NUDCD1: variants seen among roughly 807,000 people sequenced by gnomAD.
The protein encoded by NUDCD1 is nudC domain-containing protein 1.
NUDCD1 carries 60 observed loss-of-function variants against 67.8 expected under a neutral mutation model. The ratio of observed to expected loss-of-function variants is 0.88; its 90% CI spans 0.72 to 1.10. The LOEUF is 1.10. Ranked by LOEUF, NUDCD1 falls within the 50% of genes least tolerant of loss-of-function variation. NUDCD1 has a pLI of 0.00. For missense variants in NUDCD1, 643 were observed against 695.0 expected, an observed-to-expected ratio of 0.93 and a Z score of 0.84; for synonymous variants, 244 against 230.8, an observed-to-expected ratio of 1.06 and a Z score of -0.52.
At chr8:109,275,746 G>A (rs1234769768) in intron 6 of NUDCD1, among the ~76,000 whole-genome samples, 2 of 152,040 alleles carry the variant, frequency 1.3e-5, no homozygotes, top group African/African-American at 4.8e-5. Context: ...CCTGAAGAGA[G>A]GATTGCCTGG....
intron 8 of NUDCD1, among the ~76,000 whole-genome samples, chr8:109,247,931 A>T (rs932993486): frequency 6.2e-5 from 8 of 129,110 alleles, no homozygotes; most frequent in Non-Finnish European, 1.4e-4. Flanking sequence ...GAACCTGTGA[A>T]TAAGTTACCT....
At chr8:109,304,536 C>T (rs1815060406) in intron 2 of NUDCD1, among the ~76,000 whole-genome samples, 1 of 152,196 alleles carries the variant, frequency 6.6e-6, no homozygotes, top group Non-Finnish European at 1.5e-5. Context: ...TAACTCGGGC[C>T]CTCACTCTTG....
intron 1 of NUDCD1, among the ~76,000 whole-genome samples, chr8:109,333,490 G>A (rs1208659880): frequency 1.3e-5 from 2 of 152,206 alleles, no homozygotes; most frequent in Non-Finnish European, 2.9e-5. Context: ...GGAACTGGGG[G>A]TCCTCCAAGG....
intron 4 of NUDCD1, among the ~76,000 whole-genome samples, chr8:109,291,584 ACTGTT>A (rs151218167): frequency 0.06 from 9,061 of 151,510 alleles, 850 homozygotes; most frequent in African/African-American, 0.2. Flanking sequence ...TTACGAAAAT[ACTGTT>A]CTGTTAACTA....
chr8:109,274,354 G>A (rs1814228327), intron 7 of NUDCD1, among the ~76,000 whole-genome samples: 1 of 152,122 alleles, frequency 6.6e-6, no homozygotes, highest in South Asian at 2.1e-4. Context: ...AAACCATTGA[G>A]TTTAACAAGT....
At chr8:109,252,397 C>G (rs1226754505) in intron 8 of NUDCD1, among the ~76,000 whole-genome samples, 2 of 152,126 alleles carry the variant, frequency 1.3e-5, no homozygotes, top group African/African-American at 2.4e-5. Flanking sequence ...TCTTCTGAAC[C>G]CTTGGCAAGC....
intron 1 of NUDCD1, among the ~76,000 whole-genome samples, chr8:109,323,203 T>C (rs1031036886): frequency 6.6e-6 from 1 of 152,158 alleles, no homozygotes; most frequent in Admixed American, 6.5e-5. Flanking sequence ...AGGAAACATA[T>C]AAATGGATTA....
chr8:109,310,534 A>G (rs184800405), intron 2 of NUDCD1, among the ~76,000 whole-genome samples: 2,519 of 152,370 alleles, frequency 0.017, 35 homozygotes, highest in Non-Finnish European at 0.026. Flanking sequence ...AACATTGGAA[A>G]AACCCTTCTA....
chr8:109,289,779 C>A lies in NUDCD1; in HGVS notation c.795G>T (p.Met265Ile). 1 of 1,534,644 alleles carries A rather than the reference C, an allele frequency of 6.5e-7. No individual in the cohort carries two copies. Among genetic ancestry groups the A allele is most frequent in the Non-Finnish European group, 8.9e-7 (1 of 1,118,288 alleles). ...VQAGQDLEEN[M>I]DEDISEKIKE... The stretch of plus-strand genomic sequence containing the variant: ...TGATTTTCTCTGATATGTCTTCATC[C>A]ATATTTTCTTCAAGATCTTGACCAG... Residue 265 changes from methionine (M) to isoleucine (I), a missense_variant, in exon 5 of 10, where the codon ATG becomes ATT. Met to Ile is a conservative substitution (Grantham distance 10). Coordinates refer to ENST00000239690, the MANE Select transcript of NUDCD1 (RefSeq NM_032869.4).
At chr8:109,264,975 A>T (rs1010104350) in intron 8 of NUDCD1, among the ~76,000 whole-genome samples, 2 of 151,908 alleles carry the variant, frequency 1.3e-5, no homozygotes, top group African/African-American at 4.8e-5. Context: ...ATACGTTTTG[A>T]TAAATATAAT....
rs564936045 is a variant in NUDCD1, at chr8:109,256,799, C to CA, written c.1300-11319dup. Among the ~76,000 whole-genome samples the CA allele has an allele frequency of 6.5e-3, 904 of 139,960 alleles. 7 individuals are homozygous for CA. The highest frequency in any genetic ancestry group is 0.018 in the African/African-American group (674 of 38,318). 91.8% of individuals were successfully genotyped at this position (139,960 alleles called of 152,430 possible). On this transcript the variant is annotated intron_variant, in intron 8 of 9. Transcript: ENST00000239690. Reference sequence around the variant, plus strand: ...AACATCTTTTATGTAGTATTCCTGGCAAAAAAAAAATGCAACATCTGAACC... The same window carrying CA: ...AACATCTTTTATGTAGTATTCCTGGCAAAAAAAAAAATGCAACATCTGAACC...
chr8:109,298,249 A>G (rs1023586547), intron 2 of NUDCD1, among the ~76,000 whole-genome samples: 2 of 152,196 alleles, frequency 1.3e-5, no homozygotes, highest in African/African-American at 4.8e-5. Context: ...AGTAGTAAAC[A>G]TCAAGCTTAC....
rs1420586557 is a variant in NUDCD1, at chr8:109,288,847, T to C, written c.823+904A>G. 2.6e-5 allele frequency among the ~76,000 whole-genome samples: 4 copies of C among 152,174 alleles called. No individual in the cohort carries two copies. The East Asian group carries it at 7.7e-4, about 29-fold the overall frequency. On this transcript the variant is annotated intron_variant, in intron 5 of 9. Coordinates refer to ENST00000239690, the MANE Select transcript of NUDCD1 (RefSeq NM_032869.4). ...ATAAAAATCTCTGTTAAATAAAATA[T>C]ACTATTCTCTGGCTATGAACATCAG...
intron 4 of NUDCD1, among the ~76,000 whole-genome samples, chr8:109,291,696 T>G (rs2130024207): frequency 6.6e-6 from 1 of 152,244 alleles, no homozygotes; most frequent in Non-Finnish European, 1.5e-5. Flanking sequence ...TAAAGAGAAT[T>G]AATGATTCTA....
At chr8:109,265,244 TTGAA>T (rs1402868471) in intron 8 of NUDCD1, among the ~76,000 whole-genome samples, 2 of 152,116 alleles carry the variant, frequency 1.3e-5, no homozygotes, top group Non-Finnish European at 2.9e-5. Flanking sequence ...ATTCATTACT[TTGAA>T]TGACTTTTTG....
chr8:109,264,571 T>G (rs1813949506), intron 8 of NUDCD1, among the ~76,000 whole-genome samples: 1 of 152,154 alleles, frequency 6.6e-6, no homozygotes, highest in South Asian at 2.1e-4. Flanking sequence ...CAACTGATTT[T>G]AAAGTAACAG....
chr8:109,243,173 G>C lies in NUDCD1; in HGVS notation c.1588C>G (p.Leu530Val). ...YRQPAPMSTVLYNRKEGRQVG... is the reference protein window; with the variant it reads ...YRQPAPMSTVVYNRKEGRQVG... ...TGCCTGCCTTCCTTTCTGTTGTAAA[G>C]TACAGTGGACATGGGAGCAGGCTGA... The change falls in exon 10 of 10, where the codon CTT (leucine) becomes GTT (valine). Residue 530 changes from leucine to valine, a missense_variant. By Grantham distance (32) the Leu-to-Val change is conservative. Transcript: ENST00000239690. 2 of 1,613,862 alleles carry C rather than the reference G, an allele frequency of 1.2e-6. No individual in the cohort carries two copies.
chr8:109,290,833 T>C (rs1218389340), intron 4 of NUDCD1, among the ~76,000 whole-genome samples: 1 of 152,202 alleles, frequency 6.6e-6, no homozygotes, highest in Non-Finnish European at 1.5e-5. Context: ...TGTCATATTA[T>C]TATGAGTTTT....
intron 2 of NUDCD1, among the ~76,000 whole-genome samples, chr8:109,314,408 AATT>A (rs1340004147): frequency 6.6e-6 from 1 of 152,180 alleles, no homozygotes; most frequent in Non-Finnish European, 1.5e-5. Context: ...ATGAAGTTAA[AATT>A]ATTAACTACA....
Sources: allele counts gnomAD v4.1 joint callset (sites outside exome capture counted in the v4.1 genomes callset), GRCh38; gene constraint gnomAD v4.1.1; transcripts MANE v1.5; gene names NCBI Gene and HGNC (gene_info 2026-07-23, HGNC 2026-07-21).